RABGAP1L: variants seen among roughly 807,000 people sequenced by gnomAD.
RABGAP1L encodes the protein rab GTPase-activating protein 1-like.
In RABGAP1L, 63 loss-of-function variants were observed where a neutral mutation model predicts 137.7. The observed-to-expected ratio is 0.46, with a 90% confidence interval of 0.37 to 0.56. The LOEUF (loss-of-function observed/expected upper bound fraction) is 0.56. Ranked by LOEUF, RABGAP1L falls within the 20% of genes least tolerant of loss-of-function variation. The pLI is 0.00. For synonymous variants in RABGAP1L, 431 were observed against 433.7 expected, an observed-to-expected ratio of 0.99 and a Z score of 0.08; for missense variants, 1,095 against 1,244.0, an observed-to-expected ratio of 0.88 and a Z score of 1.80.
intron 19 of RABGAP1L, among the ~76,000 whole-genome samples, chr1:174,834,662 G>A (rs1692548796): frequency 7.8e-6 from 1 of 128,402 alleles, no homozygotes; most frequent in African/African-American, 3.0e-5. Flanking sequence ...TGGGATAATT[G>A]CCTGTCTTAA....
intron 13 of RABGAP1L, among the ~76,000 whole-genome samples, chr1:174,461,365 C>T (rs1313068649): frequency 2.0e-5 from 3 of 152,096 alleles, no homozygotes; most frequent in African/African-American, 7.2e-5. Context: ...GAATAGTATC[C>T]ATAGTGGTAG....
rs1241810317 is a variant in RABGAP1L, at chr1:174,195,698, TTCTTTCC to T, written c.-33-23425_-33-23419del. 6.7e-3 allele frequency among the ~76,000 whole-genome samples: 771 copies of T among 114,616 alleles called. 31 individuals carry two copies. The highest frequency in any genetic ancestry group is 0.03 in the African/African-American group (727 of 23,908). 75.2% of individuals were successfully genotyped at this position (114,616 alleles called of 152,430 possible). ...CTTCTTTCCTTCTTTCCTTCTTTCC[TTCTTTCC>T]TTCTTTCTTTTCTTTCTTTTCTTTC... is the stretch of plus-strand genomic sequence containing the variant. On this transcript the variant is annotated intron_variant, in intron 1 of 25. Coordinates refer to ENST00000681986, the MANE Select transcript of RABGAP1L (RefSeq NM_001366446.1).
intron 9 of RABGAP1L, 58 bp downstream of exon 9, chr1:174,275,993 GTTGC>G: frequency 7.1e-7 from 1 of 1,402,592 alleles, no homozygotes; most frequent in South Asian, 1.3e-5. Flanking sequence ...TATGAACAAT[GTTGC>G]TTGTCATGTT....
intron 13 of RABGAP1L, among the ~76,000 whole-genome samples, chr1:174,424,220 G>T (rs182759111): frequency 2.0e-5 from 3 of 152,062 alleles, no homozygotes; most frequent in Admixed American, 2.0e-4. Context: ...GTCTTCAGTC[G>T]TGTTGACCTA....
intron 18 of RABGAP1L, among the ~76,000 whole-genome samples, chr1:174,795,141 T>TC (rs1251167215): frequency 6.6e-6 from 1 of 152,108 alleles, no homozygotes; most frequent in East Asian, 1.9e-4. Context: ...CCTGGTTTTT[T>TC]CTCTTACTCT....
intron 13 of RABGAP1L, among the ~76,000 whole-genome samples, chr1:174,507,789 A>G (rs532929155): frequency 8.5e-5 from 13 of 152,136 alleles, no homozygotes; most frequent in African/African-American, 2.9e-4. Flanking sequence ...ATAATAAAAT[A>G]TTGCTGAATT....
rs898711430 is a variant in RABGAP1L, at chr1:174,699,564, A to T, written c.1939A>T (p.Met647Leu). Residue 647 changes from methionine to leucine, a missense_variant, in exon 16 of 26, where the codon ATG becomes TTG. Around this residue, in one of 4 missense-constraint regions of RABGAP1L, gnomAD observed 315 missense variants for 324.8 expected, o/e 0.97. Transcript: ENST00000681986. ...AGCATTCTGTGTTTTGGTGAAAATC[A>T]TGTACGACTATGGTTTGAGAGACCT... ...EQAFCVLVKI[M>L]YDYGLRDLYR... The T allele has an allele frequency of 5.6e-6, 9 of 1,611,940 alleles. No individual in the cohort carries two copies. The highest frequency in any genetic ancestry group is 6.8e-6 in the Non-Finnish European group (8 of 1,178,236).
chr1:174,783,054 T>C (rs1253450326), intron 18 of RABGAP1L, among the ~76,000 whole-genome samples: 1 of 152,210 alleles, frequency 6.6e-6, no homozygotes, highest in Non-Finnish European at 1.5e-5. Flanking sequence ...TGGCTGGAGC[T>C]GAGCTTTTGC....
intron 14 of RABGAP1L, 148 bp downstream of exon 14, chr1:174,637,636 C>G (rs945605305): frequency 6.7e-6 from 4 of 593,930 alleles, no homozygotes; most frequent in East Asian, 2.8e-5. Context: ...ATCCTCAGTA[C>G]TGATCCCAGA....
chr1:174,543,984 C>T (rs1238865955), intron 13 of RABGAP1L, among the ~76,000 whole-genome samples: 1 of 152,334 alleles, frequency 6.6e-6, no homozygotes, highest in Non-Finnish European at 1.5e-5. Context: ...TGATAGGCTT[C>T]CCTTTGTGGG....
intron 19 of RABGAP1L, among the ~76,000 whole-genome samples, chr1:174,913,423 G>C (rs1351510654): frequency 6.6e-6 from 1 of 152,208 alleles, no homozygotes; most frequent in Admixed American, 6.5e-5. Flanking sequence ...ATAGAAGTTT[G>C]TCCCTGTGTA....
chr1:174,595,648 C>T (rs1192847004), intron 13 of RABGAP1L, among the ~76,000 whole-genome samples: 2 of 150,050 alleles, frequency 1.3e-5, no homozygotes, highest in Non-Finnish European at 1.5e-5. Flanking sequence ...CTGGGGGCTG[C>T]CTCCCAGTTA....
At position 174,500,520 on chromosome 1, in the gene RABGAP1L, A is replaced by T. The variant is rs1398706249; in HGVS notation, c.1710+106375A>T. ...TTATGCACTGGGTACTGTGCATGAA[A>T]TGAGAACTATAAAGTTCCTACCCTG... On this transcript the variant is annotated intron_variant, in intron 13 of 25. Coordinates refer to ENST00000681986, the MANE Select transcript of RABGAP1L (RefSeq NM_001366446.1). Among the ~76,000 whole-genome samples, 4 of 152,160 alleles carry T rather than the reference A, an allele frequency of 2.6e-5. 1 individual carries two copies. Among genetic ancestry groups the T allele is most frequent in the Non-Finnish European group, 2.9e-5 (2 of 68,030 alleles).
At chr1:174,190,301 C>CAAAAAAAAA (rs57629149) in intron 1 of RABGAP1L, among the ~76,000 whole-genome samples, 4 of 90,226 alleles carry the variant, frequency 4.4e-5, no homozygotes, top group Non-Finnish European at 7.2e-5. Flanking sequence ...GACTCCGTTG[C>CAAAAAAAAA]AAAAAAAAAA....
intron 19 of RABGAP1L, among the ~76,000 whole-genome samples, chr1:174,927,014 A>C (rs944070134): frequency 6.6e-6 from 1 of 151,874 alleles, no homozygotes; most frequent in Non-Finnish European, 1.5e-5. Flanking sequence ...CAGAGGTTGC[A>C]GTGAGCTGAG....
chr1:174,791,668 A>G (rs1373008789), intron 18 of RABGAP1L, among the ~76,000 whole-genome samples: 1 of 152,228 alleles, frequency 6.6e-6, no homozygotes, highest in Admixed American at 6.5e-5. Flanking sequence ...CACACTGTCC[A>G]GGAAAGGGGA....
Position 174,612,800 on chromosome 1 carries a change from A to G in RABGAP1L, c.1711-24575A>G, listed in dbSNP as rs993303572. Among the ~76,000 whole-genome samples, 1,444 of 152,298 alleles carry G rather than the reference A, an allele frequency of 9.5e-3. 24 individuals are homozygous for G. The highest frequency in any genetic ancestry group is 0.033 in the African/African-American group (1,380 of 41,554). Reference sequence around the variant, plus strand: ...TTAGTCTTGGGAGAGTGTACGTGTCAAGGAATGTATCCATTTCTTCTAGAT... The same window carrying G: ...TTAGTCTTGGGAGAGTGTACGTGTCGAGGAATGTATCCATTTCTTCTAGAT... On this transcript the variant is annotated intron_variant, in intron 13 of 25. Transcript: ENST00000681986.
intron 18 of RABGAP1L, among the ~76,000 whole-genome samples, chr1:174,810,319 T>C (rs1163052848): frequency 6.6e-6 from 1 of 152,144 alleles, no homozygotes; most frequent in Non-Finnish European, 1.5e-5. Context: ...TGGTGGGGAA[T>C]GGGCTAGGAG....
chr1:174,605,366 A>G (rs139281823), intron 13 of RABGAP1L, among the ~76,000 whole-genome samples: 39 of 152,296 alleles, frequency 2.6e-4, no homozygotes, highest in Non-Finnish European at 4.0e-4. Context: ...TCAACAAGCA[A>G]AATGGCTTGA....
Sources: gnomAD v4.1 joint callset for allele counts (sites outside exome capture counted in the v4.1 genomes callset) on GRCh38, gnomAD v4.1.1 for gene constraint, gnomAD v4.1.1 regional missense constraint, MANE v1.5 for transcripts, NCBI Gene and HGNC (gene_info 2026-07-23, HGNC 2026-07-21) for gene names.